The following PTPRT variants were observed in gnomAD, a reference collection of about 807,000 sequenced individuals.
The protein encoded by PTPRT is receptor-type tyrosine-protein phosphatase T.
In PTPRT, 56 loss-of-function variants were observed where a neutral mutation model predicts 176.8. The ratio of observed to expected loss-of-function variants is 0.32; its 90% confidence interval spans 0.26 to 0.40. The LOEUF is 0.40. Among genes scored for constraint, PTPRT ranks in the 10% least tolerant of loss-of-function variants. The probability of loss-of-function intolerance (pLI) is 1.00; values close to 1 mark genes in which losing one functional copy is unlikely to be tolerated. For synonymous variants in PTPRT, 783 were observed against 739.0 expected (o/e 1.06, Z -0.96); for missense variants, 1,540 against 1,908.2 (o/e 0.81, Z 3.60).
chr20:42,742,640 T>G (rs1464702962), intron 6 of PTPRT, among the ~76,000 whole-genome samples: 1 of 152,204 alleles, frequency 6.6e-6, no homozygotes, highest in East Asian at 1.9e-4. Flanking sequence ...TGGCCCCATC[T>G]GAATGGAGGA....
chr20:43,033,962 A>G (rs907230757), intron 1 of PTPRT, among the ~76,000 whole-genome samples: 2 of 152,112 alleles, frequency 1.3e-5, no homozygotes, highest in Non-Finnish European at 2.9e-5. Flanking sequence ...CATAATCCCA[A>G]TATTGGGTAG....
At chr20:42,613,708 A>G (rs2074013928) in intron 7 of PTPRT, among the ~76,000 whole-genome samples, 1 of 152,210 alleles carries the variant, frequency 6.6e-6, no homozygotes, top group Non-Finnish European at 1.5e-5. Context: ...TGAGCTACTC[A>G]CAATTACAAC....
chr20:42,786,074 C>T (rs1251002945), intron 3 of PTPRT, among the ~76,000 whole-genome samples: 1 of 152,160 alleles, frequency 6.6e-6, no homozygotes, highest in Non-Finnish European at 1.5e-5. Flanking sequence ...TTGACAGTTC[C>T]TCCTTCACAG....
chr20:42,272,406 G>GT (rs1025311146), intron 13 of PTPRT, among the ~76,000 whole-genome samples: 89 of 148,070 alleles, frequency 6.0e-4, no homozygotes, highest in East Asian at 1.6e-3. Context: ...ATTTTTTAGG[G>GT]TTTTTTTTTT....
At chr20:43,029,746 A>G (rs1172251857) in intron 1 of PTPRT, among the ~76,000 whole-genome samples, 1 of 152,254 alleles carries the variant, frequency 6.6e-6, no homozygotes, top group Admixed American at 6.5e-5. Flanking sequence ...TCCTAATGGA[A>G]GAACATATAC....
chr20:42,420,801 C>T (rs77511115), intron 9 of PTPRT, among the ~76,000 whole-genome samples: 1,792 of 152,314 alleles, frequency 0.012, 43 homozygotes, highest in African/African-American at 0.041. Flanking sequence ...CCCGCCAAGA[C>T]CTCACAACAT....
At chr20:43,165,163 T>C (rs369379472) in intron 1 of PTPRT, among the ~76,000 whole-genome samples, 6 of 151,816 alleles carry the variant, frequency 4.0e-5, no homozygotes, top group African/African-American at 1.4e-4. Context: ...CATACTTTTT[T>C]TTTTTTTTTT....
chr20:42,203,795 C>T (rs920643574), intron 15 of PTPRT, among the ~76,000 whole-genome samples: 4 of 152,132 alleles, frequency 2.6e-5, no homozygotes, highest in African/African-American at 9.7e-5. Flanking sequence ...AGAAGAAATA[C>T]CTGTTGCTAT....
At chr20:42,892,535 T>C (rs74601058) in intron 1 of PTPRT, among the ~76,000 whole-genome samples, 21 of 151,442 alleles carry the variant, frequency 1.4e-4, no homozygotes, top group South Asian at 1.0e-3. Flanking sequence ...AGGTGGAAAA[T>C]TGCCTTTACT....
At chr20:42,267,429 T>C (rs964290453) in intron 13 of PTPRT, among the ~76,000 whole-genome samples, 1 of 152,222 alleles carries the variant, frequency 6.6e-6, no homozygotes, top group African/African-American at 2.4e-5. Context: ...TTAGATACAT[T>C]ATATTATTAA....
intron 7 of PTPRT, among the ~76,000 whole-genome samples, chr20:42,501,506 T>A (rs1003993976): frequency 6.6e-6 from 1 of 152,180 alleles, no homozygotes; most frequent in African/African-American, 2.4e-5. Flanking sequence ...ACTTTCTATA[T>A]ACACCAAGGA....
chr20:43,143,658 T>A (rs1739016631), intron 1 of PTPRT, among the ~76,000 whole-genome samples: 1 of 152,022 alleles, frequency 6.6e-6, no homozygotes, highest in African/African-American at 2.4e-5. Context: ...GAGATAGAGA[T>A]CTAAGGAAAG....
intron 1 of PTPRT, among the ~76,000 whole-genome samples, chr20:43,033,132 CA>C (rs1230629838): frequency 1.3e-5 from 2 of 152,102 alleles, no homozygotes; most frequent in Non-Finnish European, 2.9e-5. Context: ...ACGTTGTATC[CA>C]AATTTGCCTT....
At chr20:42,120,568 T>C (rs1987536912) in intron 19 of PTPRT, among the ~76,000 whole-genome samples, 1 of 152,150 alleles carries the variant, frequency 6.6e-6, no homozygotes, top group African/African-American at 2.4e-5. Flanking sequence ...TACCTGCAAA[T>C]ACAAAGACCA....
chr20:42,034,125 G>T, the PTPRT span, among the ~76,000 whole-genome samples: 1 of 152,142 alleles, frequency 6.6e-6, no homozygotes, highest in Non-Finnish European at 1.5e-5. Context: ...ACTTAGCTGG[G>T]TCTTTGCTTC....
intron 1 of PTPRT, among the ~76,000 whole-genome samples, chr20:43,035,148 C>T (rs188562578): frequency 6.0e-4 from 92 of 152,226 alleles, no homozygotes; most frequent in Admixed American, 5.6e-3. Flanking sequence ...ACAGGCCCCT[C>T]GTAGTGCCCC....
At chr20:42,184,518 C>CCTCCTTCTTCTTCTTCTT (rs1555797922) in intron 16 of PTPRT, among the ~76,000 whole-genome samples, 51 of 54,482 alleles carry the variant, frequency 9.4e-4, no homozygotes, top group Non-Finnish European at 1.8e-3. Context: ...TCCTCCTCCT[C>CCTCCTTCTTCTTCTTCTT]CTTCTTCTTC....
intron 7 of PTPRT, among the ~76,000 whole-genome samples, chr20:42,594,683 G>C (rs1223908605): frequency 6.6e-6 from 1 of 152,156 alleles, no homozygotes; most frequent in South Asian, 2.1e-4. Context: ...CTAGAATTGA[G>C]ATTCTGAATT....
At chr20:42,150,026 G>A (rs1353352273) in intron 17 of PTPRT, among the ~76,000 whole-genome samples, 4 of 152,116 alleles carry the variant, frequency 2.6e-5, no homozygotes, top group African/African-American at 7.2e-5. Context: ...CACTTAGTAC[G>A]TTCATTTTCT....
Sources: allele counts gnomAD v4.1 joint callset (sites outside exome capture counted in the v4.1 genomes callset), GRCh38; gene constraint gnomAD v4.1.1; transcripts MANE v1.5; gene names NCBI Gene and HGNC (gene_info 2026-07-23, HGNC 2026-07-21).